TARP: variants seen among roughly 807,000 people sequenced by gnomAD.
chr7:38,269,396 C>T, the TARP span: 4 of 653,188 alleles, frequency 6.1e-6, no homozygotes, highest in Non-Finnish European at 1.1e-5. Context: ...CCATCCAATT[C>T]CTCTTTTTTC....
the TARP span, among the ~76,000 whole-genome samples, chr7:38,264,247 T>A: frequency 2.6e-5 from 4 of 151,904 alleles, no homozygotes; most frequent in South Asian, 2.1e-4. Context: ...TAGAATGACA[T>A]TAAGAGAAGT....
At chr7:38,267,730 A>G in the TARP span, among the ~76,000 whole-genome samples, 2 of 151,078 alleles carry the variant, frequency 1.3e-5, no homozygotes, top group Non-Finnish European at 2.9e-5. Flanking sequence ...TTTTAAAAGC[A>G]TGTTATAAAA....
the TARP span, chr7:38,260,215 T>C: frequency 1.3e-6 from 2 of 1,591,142 alleles, no homozygotes; most frequent in Non-Finnish European, 8.5e-7. Flanking sequence ...GTTTGTGAGC[T>C]GCAGCAGTAG....
At chr7:38,268,005 A>T in the TARP span, among the ~76,000 whole-genome samples, 3 of 151,218 alleles carry the variant, frequency 2.0e-5, no homozygotes, top group African/African-American at 7.3e-5. Flanking sequence ...GGAACTTCCA[A>T]AACTTTCTCA....
At chr7:38,270,497 T>G in the TARP span, among the ~76,000 whole-genome samples, 1 of 151,528 alleles carries the variant, frequency 6.6e-6, no homozygotes, top group East Asian at 1.9e-4. Flanking sequence ...TTCACTTGTG[T>G]TTTTCAAAAC....
chr7:38,262,814 AC>A, the TARP span, among the ~76,000 whole-genome samples: 3 of 150,464 alleles, frequency 2.0e-5, no homozygotes, highest in African/African-American at 7.4e-5. Context: ...GTCAGCACTC[AC>A]TCCGAGCTAA....
the TARP span, among the ~76,000 whole-genome samples, chr7:38,261,456 T>C: frequency 6.6e-6 from 1 of 151,636 alleles, no homozygotes; most frequent in African/African-American, 2.4e-5. Context: ...GCCCAAGCCC[T>C]TCTGTGTAAA....
At chr7:38,270,454 A>C in the TARP span, among the ~76,000 whole-genome samples, 1 of 151,516 alleles carries the variant, frequency 6.6e-6, no homozygotes, top group African/African-American at 2.4e-5. Flanking sequence ...CATTGGCTAA[A>C]GTCTAATATA....
chr7:38,263,968 A>G, the TARP span, among the ~76,000 whole-genome samples: 28,583 of 138,590 alleles, frequency 0.21, 1 homozygote, highest in African/African-American at 0.38. Flanking sequence ...GACTTCATTT[A>G]TTAAAAGATA....
At chr7:38,266,392 G>T in the TARP span, among the ~76,000 whole-genome samples, 1 of 151,648 alleles carries the variant, frequency 6.6e-6, no homozygotes, top group Non-Finnish European at 1.5e-5. Flanking sequence ...CTGCAGTCTC[G>T]ACTTCCCAGG....
the TARP span, among the ~76,000 whole-genome samples, chr7:38,261,274 T>G: frequency 6.6e-6 from 1 of 151,826 alleles, no homozygotes; most frequent in South Asian, 2.1e-4. Flanking sequence ...GAAAACTTAC[T>G]AAGTACATAA....
At chr7:38,271,479 C>T in the TARP span, among the ~76,000 whole-genome samples, 4 of 150,592 alleles carry the variant, frequency 2.7e-5, no homozygotes, top group African/African-American at 9.8e-5. Context: ...TCCAGAAGGA[C>T]TAACTGGAGG....
the TARP span, chr7:38,262,254 G>C: frequency 7.8e-7 from 1 of 1,277,892 alleles, no homozygotes; most frequent in African/African-American, 1.5e-5. Context: ...TCAATTGTTC[G>C]TGTGTGTGTG....
the TARP span, among the ~76,000 whole-genome samples, chr7:38,264,625 G>A: frequency 6.6e-6 from 1 of 150,710 alleles, no homozygotes; most frequent in Non-Finnish European, 1.5e-5. Flanking sequence ...TTAGAATTTA[G>A]TGTAAAGGAA....
At chr7:38,270,258 T>A in the TARP span, among the ~76,000 whole-genome samples, 2 of 151,918 alleles carry the variant, frequency 1.3e-5, no homozygotes, top group Non-Finnish European at 2.9e-5. Flanking sequence ...CATTTTGGAG[T>A]GGCAGTTAAA....
chr7:38,268,035 A>C, the TARP span, among the ~76,000 whole-genome samples: 1 of 151,508 alleles, frequency 6.6e-6, no homozygotes, highest in Non-Finnish European at 1.5e-5. Flanking sequence ...TTAACGAATC[A>C]TTAAATAGCA....
At chr7:38,260,035 T>C in the TARP span, 1 of 1,240,976 alleles carries the variant, frequency 8.1e-7, no homozygotes, top group South Asian at 1.2e-5. Flanking sequence ...CAGAAGACGC[T>C]TCTAGGGACA....
chr7:38,273,522 G>C, the TARP span: 9 of 1,290,932 alleles, frequency 7.0e-6, no homozygotes, highest in Non-Finnish European at 9.9e-6. Context: ...CTAGAATTCT[G>C]AGCCAGCTCC....
the TARP span, among the ~76,000 whole-genome samples, chr7:38,269,010 T>C: frequency 6.6e-6 from 1 of 151,712 alleles, no homozygotes. Context: ...TATCCCATTT[T>C]ATGGATTAGA....
Sources: allele counts gnomAD v4.1 joint callset (sites outside exome capture counted in the v4.1 genomes callset), GRCh38; gene constraint gnomAD v4.1.1; transcripts MANE v1.5.